The following KSR2 variants were observed in gnomAD, a reference collection of about 807,000 sequenced individuals.
KSR2 encodes the protein kinase suppressor of ras 2.
Under a neutral mutation model 107.8 loss-of-function variants are expected in KSR2, and 25 were observed. The ratio of observed to expected loss-of-function variants is 0.23; its 90% CI spans 0.17 to 0.32. The LOEUF (loss-of-function observed/expected upper bound fraction) is 0.32, where lower values mean the gene tolerates loss of function less well. KSR2 is among the 10% of genes least tolerant of loss of function. The pLI, the probability that KSR2 is intolerant of heterozygous loss-of-function variation, is 1.00. For synonymous variants in KSR2, 480 were observed against 507.0 expected (o/e 0.95, Z 0.71); for missense variants, 887 against 1,268.9 (o/e 0.70, Z 4.57).
Position 117,621,903 on chromosome 12 carries a change from C to T in KSR2, c.1172-39544G>A, listed in dbSNP as rs529417233. Among the ~76,000 whole-genome samples, 377 of 152,254 alleles carry T rather than the reference C, an allele frequency of 2.5e-3. 2 individuals carry two copies. Among genetic ancestry groups the T allele is most frequent in the Non-Finnish European group, 1.7e-3 (117 of 68,004 alleles). ...TACCACTGTCTCCTACAGCTCCATG[C>T]TGTAGCTGCACAACAAAAATTTGCA... On this transcript the variant is annotated intron_variant, in intron 5 of 19. Coordinates refer to ENST00000339824, the MANE Select transcript of KSR2 (RefSeq NM_173598.6).
rs965158544 is a variant in KSR2 at position 117,460,963 on chromosome 12, C to T, written c.*6236G>A. ...GGCCACCTGACTCAATGGGTCGCTT[C>T]ATACGTCACAGATATTAAACCTGGC... On this transcript the variant is annotated 3_prime_UTR_variant, in exon 20 of 20. Transcript: ENST00000339824. The T allele has an allele frequency of 6.6e-5, 10 of 152,292 alleles. No homozygotes were observed. Among genetic ancestry groups the T allele is most frequent in the African/African-American group, 2.2e-4 (9 of 41,432 alleles). The allele number at this position is 152,292 out of a possible 1,614,324, so 9.4% of individuals were successfully genotyped here.
At chr12:117,811,052 C>G (rs1254424467) in intron 3 of KSR2, among the ~76,000 whole-genome samples, 1 of 152,144 alleles carries the variant, frequency 6.6e-6, no homozygotes, top group Non-Finnish European at 1.5e-5. Context: ...GCTTCCCAAC[C>G]AATGCCTGGG....
At chr12:117,849,786 AC>A (rs1892850179) in intron 3 of KSR2, among the ~76,000 whole-genome samples, 1 of 152,230 alleles carries the variant, frequency 6.6e-6, no homozygotes, top group East Asian at 1.9e-4. Context: ...TTGGCCAAGC[AC>A]AAAGCAGCCT....
At chr12:117,479,743 G>A (rs1478894565) in intron 16 of KSR2, among the ~76,000 whole-genome samples, 1 of 152,180 alleles carries the variant, frequency 6.6e-6, no homozygotes, top group Non-Finnish European at 1.5e-5. Context: ...CACACATCCT[G>A]TGCTAGAAAC....
At position 117,588,391 on chromosome 12, in the gene KSR2, C is replaced by A. The variant is rs577241619; in HGVS notation, c.1172-6032G>T. On this transcript the variant is annotated intron_variant, in intron 5 of 19. Transcript: ENST00000339824. ...GCAAAGCCAGTTTTAAAAAATTATT[C>A]TTTGCGATTTATCTGCTATGGGGAC... Among the ~76,000 whole-genome samples the A allele has an allele frequency of 3.9e-5, 6 of 152,260 alleles. No homozygotes were observed. The South Asian group carries it at 6.2e-4, about 16-fold the overall frequency.
At chr12:117,910,153 C>T (rs988749107) in intron 1 of KSR2, among the ~76,000 whole-genome samples, 3 of 152,056 alleles carry the variant, frequency 2.0e-5, no homozygotes, top group African/African-American at 7.2e-5. Flanking sequence ...ATCACTTTAG[C>T]CTGGGAGTTT....
intron 4 of KSR2, among the ~76,000 whole-genome samples, chr12:117,730,841 C>T (rs1368145129): frequency 1.3e-5 from 2 of 152,160 alleles, no homozygotes; most frequent in Non-Finnish European, 2.9e-5. Flanking sequence ...GTGCAGTGGC[C>T]TGATCTCGGC....
intron 4 of KSR2, among the ~76,000 whole-genome samples, chr12:117,742,917 G>A (rs1473731364): frequency 6.6e-6 from 1 of 152,210 alleles, no homozygotes; most frequent in Non-Finnish European, 1.5e-5. Flanking sequence ...TGGGCCTAAA[G>A]CTGTGGTCAG....
chr12:117,709,783 G>A (rs902373629), intron 4 of KSR2, among the ~76,000 whole-genome samples: 2 of 152,202 alleles, frequency 1.3e-5, no homozygotes, highest in Non-Finnish European at 2.9e-5. Context: ...GTGTATTGTA[G>A]GATGTTAGGC....
chr12:117,702,664 T>A (rs1231382901), intron 4 of KSR2, among the ~76,000 whole-genome samples: 1 of 152,156 alleles, frequency 6.6e-6, no homozygotes, highest in Non-Finnish European at 1.5e-5. Context: ...GACAGAACTA[T>A]CTTCCCTATT....
chr12:117,651,032 C>A (rs1482729740), intron 5 of KSR2, among the ~76,000 whole-genome samples: 1 of 152,144 alleles, frequency 6.6e-6, no homozygotes, highest in African/African-American at 2.4e-5. Context: ...AAAAATGAGA[C>A]CCTGAAATTT....
intron 4 of KSR2, among the ~76,000 whole-genome samples, chr12:117,685,536 T>A (rs1885535251): frequency 6.6e-6 from 1 of 152,178 alleles, no homozygotes; most frequent in South Asian, 2.1e-4. Context: ...ATCAGCCCAG[T>A]AAGTGATGGG....
At chr12:117,736,843 T>C (rs916401920) in intron 4 of KSR2, among the ~76,000 whole-genome samples, 1 of 146,790 alleles carries the variant, frequency 6.8e-6, no homozygotes, top group Non-Finnish European at 1.5e-5. Context: ...GAAAAGAAAA[T>C]TAAAAAGAGT....
At chr12:117,565,255 G>A (rs144712785) in intron 7 of KSR2, among the ~76,000 whole-genome samples, 18 of 152,260 alleles carry the variant, frequency 1.2e-4, no homozygotes, top group Non-Finnish European at 2.4e-4. Context: ...AATTTGCTCC[G>A]ATCAGCTTCG....
intron 5 of KSR2, among the ~76,000 whole-genome samples, chr12:117,587,749 A>G (rs1390062493): frequency 6.6e-6 from 1 of 152,192 alleles, no homozygotes; most frequent in African/African-American, 2.4e-5. Flanking sequence ...ATAAGAGTCC[A>G]TGAGGAAAAT....
chr12:117,673,155 G>A (rs1405571908), intron 4 of KSR2, among the ~76,000 whole-genome samples: 2 of 152,118 alleles, frequency 1.3e-5, no homozygotes, highest in East Asian at 1.9e-4. Context: ...TACCAACCAT[G>A]GCCACAGATG....
chr12:117,787,584 C>T (rs761934493), intron 3 of KSR2, among the ~76,000 whole-genome samples: 2 of 151,824 alleles, frequency 1.3e-5, no homozygotes, highest in Non-Finnish European at 2.9e-5. Flanking sequence ...AGTGAGCCGA[C>T]ACTGCGCCAC....
At chr12:117,490,645 C>T (rs989666069) in intron 14 of KSR2, among the ~76,000 whole-genome samples, 2 of 152,182 alleles carry the variant, frequency 1.3e-5, no homozygotes, top group African/African-American at 4.8e-5. Flanking sequence ...ATCCTCCTGT[C>T]TCAGTCTCCC....
Position 117,968,745 on chromosome 12 carries a change from C to CA in KSR2, c.-491dup, listed in dbSNP as rs983342737. The CA allele has an allele frequency of 1.5e-4, 23 of 156,678 alleles. No individual in the cohort carries two copies. The highest frequency in any genetic ancestry group is 2.0e-4 in the Non-Finnish European group (14 of 71,022). The allele number at this position is 156,678 out of a possible 1,614,324, so 9.7% of individuals were successfully genotyped here. A position where few individuals can be genotyped will look rare whatever the true frequency, so the allele number is the denominator to read the frequency against. ...ATTTTTGGCTGGCTTGCTTTTATGT[C>CA]AAAAAAAATCTGGTTTTCCCCCCTC... On this transcript the variant is annotated 5_prime_UTR_variant, in exon 1 of 20. It removes the in-frame stop codon of an upstream open reading frame in the 5' UTR. Transcript: ENST00000339824.
Sources: allele counts gnomAD v4.1 joint callset (sites outside exome capture counted in the v4.1 genomes callset), GRCh38; gene constraint gnomAD v4.1.1; transcripts MANE v1.5; gene names NCBI Gene and HGNC (gene_info 2026-07-23, HGNC 2026-07-21).